KIF2C: variants seen among roughly 807,000 people sequenced by gnomAD.
KIF2C encodes the protein kinesin-like protein KIF2C.
Under a neutral mutation model 97.4 loss-of-function variants are expected in KIF2C, and 34 were observed. That is an observed-to-expected ratio of 0.35 (90% confidence interval 0.27 to 0.46). The LOEUF (loss-of-function observed/expected upper bound fraction) is 0.46, where lower values mean the gene tolerates loss of function less well. Ranked by LOEUF, KIF2C falls within the 20% of genes least tolerant of loss-of-function variation. The pLI, the probability that KIF2C is intolerant of heterozygous loss-of-function variation, is 1.00. For missense variants in KIF2C, 750 were observed against 907.6 expected (o/e 0.83, Z 2.23); for synonymous variants, 313 against 318.2 (o/e 0.98, Z 0.17).
Position 44,762,673 on chromosome 1 carries a change from C to T in KIF2C, c.1971+15C>T. On this transcript the variant is annotated intron_variant, in intron 19 of 20. Transcript: ENST00000372224. ...AGATCATACAGGTAGGCAGCTGGCC[C>T]TGGACAGGGAGCTGGATGCAGCACG... The T allele has an allele frequency of 6.4e-7, 1 of 1,567,822 alleles. No individual in the cohort carries two copies.
chr1:44,747,595 T>C (rs1649279881), intron 3 of KIF2C, 57 bp from the exon 4 acceptor site: 1 of 1,586,118 alleles, frequency 6.3e-7, no homozygotes, highest in Admixed American at 1.7e-5. Flanking sequence ...GGGCCCAGGA[T>C]GGGCCCTTGA....
At chr1:44,757,226 T>G (rs1373364614) in intron 10 of KIF2C, among the ~76,000 whole-genome samples, 1 of 152,174 alleles carries the variant, frequency 6.6e-6, no homozygotes, top group African/African-American at 2.4e-5. Context: ...CAGTAGTGTC[T>G]CTTCTGCTGG....
At chr1:44,762,736 C>A (rs1386485306) in intron 19 of KIF2C, 78 bp downstream of exon 19, 32 of 935,934 alleles carry the variant, frequency 3.4e-5, no homozygotes, top group Admixed American at 9.1e-5. Context: ...AGAACATGAC[C>A]TGGGCCTTGT....
At position 44,753,453 on chromosome 1, in the gene KIF2C, A is replaced by G. The variant is rs1649636543; in HGVS notation, c.562+199A>G. Among the ~76,000 whole-genome samples, 1 of 152,262 alleles carries G rather than the reference A, an allele frequency of 6.6e-6. No individual in the cohort carries two copies. The highest frequency in any genetic ancestry group is 6.5e-5 in the Admixed American group (1 of 15,284). On this transcript the variant is annotated intron_variant, in intron 6 of 20. Transcript: ENST00000372224. Reference sequence around the variant, plus strand: ...GTTTCACTTCTGTGGTTGTTGAGAAAGTAGCCAAGATGCATAGGAAGAGCT... The same window carrying G: ...GTTTCACTTCTGTGGTTGTTGAGAAGGTAGCCAAGATGCATAGGAAGAGCT...
intron 2 of KIF2C, among the ~76,000 whole-genome samples, chr1:44,743,574 AG>A (rs1157735480): frequency 6.6e-6 from 1 of 152,200 alleles, no homozygotes; most frequent in East Asian, 1.9e-4. Context: ...GGACCTCTTG[AG>A]GCCAGGAGTT....
rs371249490 is a variant in KIF2C, at chr1:44,747,445, C to T, written c.227C>T (p.Pro76Leu). The change falls in exon 3 of 21, where the codon CCG becomes CTG. Residue 76 changes from proline (P) to leucine (L), a missense_variant. By Grantham distance (98) the Pro-to-Leu change is moderately conservative. Transcript: ENST00000372224. Reference protein sequence around the residue: ...PELLQLLPLHPKDNLPLQENV... With the variant: ...PELLQLLPLHLKDNLPLQENV... ...CTCTTACAGCTTCTTCCCTTACATCCGAAGGACAATCTGCCCTTGCAGGAA... is the reference window on the plus strand; with the variant it reads ...CTCTTACAGCTTCTTCCCTTACATCTGAAGGACAATCTGCCCTTGCAGGAA... 2.2e-5 allele frequency: 36 copies of T among 1,609,964 alleles called. No individual in the cohort carries two copies. Among genetic ancestry groups the T allele is most frequent in the East Asian group, 2.2e-4 (10 of 44,868 alleles).
At chr1:44,766,286 G>A (rs1466721336) in intron 19 of KIF2C, among the ~76,000 whole-genome samples, 1 of 152,054 alleles carries the variant, frequency 6.6e-6, no homozygotes, top group Non-Finnish European at 1.5e-5. Flanking sequence ...GACCAATGAT[G>A]TTATTCATTT....
At chr1:44,764,125 T>C (rs1650314713) in intron 19 of KIF2C, among the ~76,000 whole-genome samples, 1 of 152,098 alleles carries the variant, frequency 6.6e-6, no homozygotes, top group Admixed American at 6.6e-5. Context: ...ACCATTTAGA[T>C]ATACAAGCAT....
In KIF2C at chr1:44,760,777, C is replaced by A. The variant is rs554489013; in HGVS notation, c.1683+75C>A. ...TTTCCACAGAGACACTTAGTCCTGT[C>A]CCTGGGCTGGAAGCTCAGCACTGCT... On this transcript the variant is annotated intron_variant, in intron 16 of 20. Coordinates refer to ENST00000372224, the MANE Select transcript of KIF2C (RefSeq NM_006845.4). The surrounding 1 kb of genome is among the most constrained non-coding windows in gnomAD (Gnocchi z 4.2). 489 of 1,235,980 alleles carry A rather than the reference C, an allele frequency of 4.0e-4. 2 individuals carry two copies. In the African/African-American group the frequency reaches 6.9e-3, roughly 17 times the overall value. The allele number at this position is 1,235,980 out of a possible 1,614,324, so 76.6% of individuals were successfully genotyped here.
chr1:44,753,640 G>T, intron 6 of KIF2C, 93 bp from the exon 7 acceptor site: 1 of 802,894 alleles, frequency 1.2e-6, no homozygotes, highest in Non-Finnish European at 2.0e-6. Context: ...GAAAGGCCCA[G>T]TACTCAGTAA....
intron 11 of KIF2C, 94 bp downstream of exon 11, chr1:44,757,740 T>C: frequency 9.1e-7 from 1 of 1,102,498 alleles, no homozygotes; most frequent in Non-Finnish European, 1.4e-6. Context: ...GAAAGGCCCC[T>C]TGTTACAGAT....
At chr1:44,742,756 A>T (rs1649001046) in intron 2 of KIF2C, among the ~76,000 whole-genome samples, 1 of 150,328 alleles carries the variant, frequency 6.7e-6, no homozygotes, top group Non-Finnish European at 1.5e-5. Context: ...ACAGAATTTT[A>T]GGTTTTAGAA....
intron 2 of KIF2C, chr1:44,746,617 A>C (rs902921908): frequency 1.0e-5 from 15 of 1,471,696 alleles, no homozygotes; most frequent in South Asian, 4.2e-5. Flanking sequence ...ACTGCCCAGC[A>C]GATCAGCAGG....
chr1:44,753,262 C>A lies in KIF2C; in HGVS notation c.562+8C>A, dbSNP rs759482950. On this transcript the variant is annotated splice_region_variant and intron_variant, in intron 6 of 20. Coordinates refer to ENST00000372224, the MANE Select transcript of KIF2C (RefSeq NM_006845.4). ...CAAACCCTGTGAACTCAGGTAGACA[C>A]ACTGAGCTGTCTGCTGTTCTGCTTC... The A allele has an allele frequency of 3.7e-6, 6 of 1,609,506 alleles. No individual in the cohort carries two copies. The South Asian group carries it at 6.6e-5, about 18-fold the overall frequency.
chr1:44,759,265 G>C lies in KIF2C; in HGVS notation c.1284G>C (p.Gln428His). The C allele has an allele frequency of 6.2e-7, 1 of 1,614,186 alleles. No homozygotes were observed. Among genetic ancestry groups the C allele is most frequent in the Non-Finnish European group, 8.5e-7 (1 of 1,180,044 alleles). ...KLRVLEDGKQ[Q>H]VQVVGLQEHL... ...GCGTGCTGGAGGACGGCAAGCAACA[G>C]GTGCAAGTGGTGGGGCTGCAGGAGC... Residue 428 changes from glutamine to histidine, a missense_variant, in exon 14 of 21, where the codon CAG becomes CAC. Coordinates refer to ENST00000372224, the MANE Select transcript of KIF2C (RefSeq NM_006845.4).
intron 5 of KIF2C, among the ~76,000 whole-genome samples, chr1:44,752,296 G>A (rs560314077): frequency 1.3e-5 from 2 of 151,306 alleles, no homozygotes; most frequent in East Asian, 2.0e-4. Context: ...CACCGCGCCC[G>A]GCTAATTTTT....
intron 19 of KIF2C, 74 bp from the exon 20 acceptor site, chr1:44,766,752 A>C: frequency 1.3e-6 from 2 of 1,542,806 alleles, no homozygotes; most frequent in Non-Finnish European, 1.8e-6. Flanking sequence ...AGGTGTCTGC[A>C]TTGCAGTTGG....
intron 13 of KIF2C, 53 bp from the exon 14 acceptor site, chr1:44,759,153 G>C: frequency 6.2e-7 from 1 of 1,609,572 alleles, no homozygotes; most frequent in Non-Finnish European, 8.5e-7. Context: ...AAGCAGTCGG[G>C]TGGGGTGCCG....
At chr1:44,759,463 G>A (rs903867631) in intron 14 of KIF2C, 115 bp downstream of exon 14, 1 of 1,262,086 alleles carries the variant, frequency 7.9e-7, no homozygotes, top group Non-Finnish European at 1.1e-6. Context: ...GTTTGGTAAG[G>A]GCTGCGAAGG....
Sources: gnomAD v4.1 joint callset for allele counts (sites outside exome capture counted in the v4.1 genomes callset) on GRCh38, gnomAD v4.1.1 for gene constraint, Gnocchi (gnomAD v3.1) non-coding constraint, MANE v1.5 for transcripts, NCBI Gene and HGNC (gene_info 2026-07-23, HGNC 2026-07-21) for gene names.